Variants in RBL1 observed in about 807,000 individuals in gnomAD.
RBL1 encodes retinoblastoma-like protein 1.
A neutral mutation model predicts 123.0 loss-of-function variants in RBL1; 82 were observed. The observed-to-expected ratio is 0.67, with a 90% confidence interval of 0.56 to 0.80. RBL1 has a LOEUF of 0.80. Ranked by LOEUF, RBL1 falls within the 30% of genes least tolerant of loss-of-function variation. The pLI is 0.00. For synonymous variants in RBL1, 405 were observed against 441.3 expected, an observed-to-expected ratio of 0.92 and a Z score of 1.03; for missense variants, 1,171 against 1,299.6, an observed-to-expected ratio of 0.90 and a Z score of 1.52.
At chr20:37,046,977 C>T in intron 12 of RBL1, 76 bp downstream of exon 12, 1 of 1,463,994 alleles carries the variant, frequency 6.8e-7, no homozygotes, top group Non-Finnish European at 9.0e-7. Flanking sequence ...TGTTTTTCTT[C>T]AGCACTAAGA....
chr20:37,090,159 A>G (rs926366066), intron 1 of RBL1, among the ~76,000 whole-genome samples: 4 of 152,226 alleles, frequency 2.6e-5, no homozygotes, highest in Non-Finnish European at 5.9e-5. Context: ...ACTCACCATT[A>G]TAGTTGCCTA....
chr20:37,069,294 C>G (rs1393276446), intron 2 of RBL1, among the ~76,000 whole-genome samples: 1 of 151,486 alleles, frequency 6.6e-6, no homozygotes, highest in Non-Finnish European at 1.5e-5. Context: ...TCTGCCTGGC[C>G]GCCCATCGTC....
chr20:37,042,903 C>G (rs1046805057), intron 13 of RBL1, among the ~76,000 whole-genome samples: 13 of 114,556 alleles, frequency 1.1e-4, no homozygotes, highest in Non-Finnish European at 2.1e-4. Context: ...TGTCCCCCCC[C>G]CTCCAAAAAA....
intron 12 of RBL1, 129 bp downstream of exon 12, chr20:37,046,924 T>C (rs923359151): frequency 7.6e-7 from 1 of 1,317,512 alleles, no homozygotes; most frequent in Non-Finnish European, 9.7e-7. Context: ...GGAATATATA[T>C]TTTCAGAACA....
chr20:37,070,989 A>G (rs2065274040), intron 2 of RBL1, among the ~76,000 whole-genome samples: 1 of 151,884 alleles, frequency 6.6e-6, no homozygotes, highest in Non-Finnish European at 1.5e-5. Flanking sequence ...TCTGCATCCC[A>G]GCTTCAAGCA....
intron 2 of RBL1, among the ~76,000 whole-genome samples, chr20:37,074,543 T>C (rs2065333744): frequency 6.6e-6 from 1 of 151,290 alleles, no homozygotes; most frequent in Non-Finnish European, 1.5e-5. Flanking sequence ...ATGGCTACAA[T>C]AAAAAAGATG....
intron 20 of RBL1, among the ~76,000 whole-genome samples, 185 bp downstream of exon 20, chr20:37,007,226 G>A (rs1012018513): frequency 2.0e-5 from 3 of 152,136 alleles, no homozygotes; most frequent in Admixed American, 6.6e-5. Context: ...TCTAGCCTGG[G>A]CAACAGATCC....
intron 11 of RBL1, among the ~76,000 whole-genome samples, chr20:37,053,199 G>T (rs1265987579): frequency 6.6e-6 from 1 of 152,158 alleles, no homozygotes; most frequent in South Asian, 2.1e-4. Flanking sequence ...GACATTTACA[G>T]AACACTCCAT....
chr20:36,997,666 ATAAC>A lies in RBL1; in HGVS notation c.*1089_*1092del, dbSNP rs1356028227. The A allele has an allele frequency of 2.6e-5, 4 of 152,306 alleles. No individual in the cohort carries two copies. The highest frequency in any genetic ancestry group is 7.2e-5 in the African/African-American group (3 of 41,578). The allele number at this position is 152,306 out of a possible 1,614,324, so 9.4% of individuals were successfully genotyped here. A position where few individuals can be genotyped will look rare whatever the true frequency, so the allele number is the denominator to read the frequency against. ...CTTACTAATAGGAATTTAGTTTTTA[ATAAC>A]TAACTGAATTTTATTTTACTGGCTT... On this transcript the variant is annotated 3_prime_UTR_variant, in exon 22 of 22. Transcript: ENST00000373664.
At position 37,050,967 on chromosome 20, in the gene RBL1, T is replaced by A. The variant is rs113251239; in HGVS notation, c.1468-3777A>T. On this transcript the variant is annotated intron_variant, in intron 11 of 21. Coordinates refer to ENST00000373664, the MANE Select transcript of RBL1 (RefSeq NM_002895.5). ...AAATAATGCAACAGTACCTTCAAAC[T>A]CATAAAGGAAAATGATTGTCAATCT... 3.2e-3 allele frequency among the ~76,000 whole-genome samples: 487 copies of A among 152,208 alleles called. 7 individuals are homozygous for A. The highest frequency in any genetic ancestry group is 0.011 in the African/African-American group (473 of 41,544).
chr20:37,008,346 A>C (rs530199348), intron 19 of RBL1, among the ~76,000 whole-genome samples: 2 of 152,340 alleles, frequency 1.3e-5, no homozygotes, highest in African/African-American at 4.8e-5. Flanking sequence ...TTCTCTGCAA[A>C]TACATGGCAG....
At chr20:37,083,616 C>T (rs2146328629) in intron 2 of RBL1, among the ~76,000 whole-genome samples, 1 of 122,830 alleles carries the variant, frequency 8.1e-6, no homozygotes, top group African/African-American at 3.2e-5. Context: ...GAAACCCCGT[C>T]TCTACTAAAA....
At chr20:37,077,937 C>A (rs1184037746) in intron 2 of RBL1, among the ~76,000 whole-genome samples, 1 of 152,128 alleles carries the variant, frequency 6.6e-6, no homozygotes, top group African/African-American at 2.4e-5. Flanking sequence ...TTTAAACATC[C>A]TAATCCAGTA....
intron 19 of RBL1, 38 bp from the exon 20 acceptor site, chr20:37,007,597 C>T (rs376683990): frequency 1.3e-6 from 2 of 1,598,762 alleles, no homozygotes; most frequent in South Asian, 1.1e-5. Context: ...ACAAAGCATA[C>T]TTTTTATTTT....
intron 20 of RBL1, 100 bp from the exon 21 acceptor site, chr20:37,003,966 T>G (rs1351726288): frequency 9.2e-7 from 1 of 1,090,536 alleles, no homozygotes; most frequent in African/African-American, 1.6e-5. Flanking sequence ...AGAAAACAGT[T>G]ATACTGTAAA....
At chr20:37,037,511 CTAAA>C (rs60331572) in intron 14 of RBL1, among the ~76,000 whole-genome samples, 1,995 of 152,084 alleles carry the variant, frequency 0.013, 58 homozygotes, top group African/African-American at 0.045. Flanking sequence ...TTATAGTATA[CTAAA>C]TATTTTTACT....
chr20:36,999,267 G>T (rs2063924337), intron 21 of RBL1, among the ~76,000 whole-genome samples: 1 of 152,098 alleles, frequency 6.6e-6, no homozygotes, highest in African/African-American at 2.4e-5. Flanking sequence ...TTAGCCAGGT[G>T]TGGTGGCTTG....
chr20:37,001,579 C>G (rs1262498448), intron 21 of RBL1, among the ~76,000 whole-genome samples: 1 of 151,340 alleles, frequency 6.6e-6, no homozygotes, highest in African/African-American at 2.4e-5. Context: ...CGTTAAGAGT[C>G]ATCACCACTC....
At position 37,092,305 on chromosome 20, in the gene RBL1, C is replaced by T. The variant is rs191164828; in HGVS notation, c.157-3183G>A. The stretch of plus-strand genomic sequence containing the variant: ...AATATAAGTCCTAAAATTATTGTTT[C>T]GATTTTTTTAAAGACATTAAAGAAT... On this transcript the variant is annotated intron_variant, in intron 1 of 21. Coordinates refer to ENST00000373664, the MANE Select transcript of RBL1 (RefSeq NM_002895.5). 2.6e-3 allele frequency among the ~76,000 whole-genome samples: 388 copies of T among 152,128 alleles called. 3 individuals are homozygous for T. Among genetic ancestry groups the T allele is most frequent in the Non-Finnish European group, 2.5e-3 (169 of 67,984 alleles).
Sources: allele counts gnomAD v4.1 joint callset (sites outside exome capture counted in the v4.1 genomes callset), GRCh38; gene constraint gnomAD v4.1.1; transcripts MANE v1.5; gene names NCBI Gene and HGNC (gene_info 2026-07-23, HGNC 2026-07-21).